Variants in EPM2A observed in about 807,000 individuals in gnomAD.
EPM2A encodes the protein laforin.
Under a neutral mutation model 26.5 loss-of-function variants are expected in EPM2A, and 21 were observed. The observed-to-expected ratio is 0.79, with a 90% CI of 0.56 to 1.14. The LOEUF (loss-of-function observed/expected upper bound fraction) is 1.14, where lower values mean the gene tolerates loss of function less well. Ranked by LOEUF, EPM2A falls within the 50% of genes most tolerant of loss-of-function variation. The pLI is 0.00. For missense variants in EPM2A, 458 were observed against 440.8 expected (o/e 1.04, Z -0.35); for synonymous variants, 217 against 177.6 (o/e 1.22, Z -1.76).
chr6:145,525,191 G>C (rs1459932345), intron 2 of EPM2A, among the ~76,000 whole-genome samples: 1 of 151,600 alleles, frequency 6.6e-6, no homozygotes, highest in Non-Finnish European at 1.5e-5. Context: ...ACAGTTTGAA[G>C]CTGGGTTAAT....
intron 2 of EPM2A, among the ~76,000 whole-genome samples, chr6:145,554,838 G>A (rs1392776216): frequency 6.6e-6 from 1 of 152,076 alleles, no homozygotes; most frequent in Admixed American, 6.6e-5. Flanking sequence ...TATAGGAGCT[G>A]GCAAGTCAGT....
Position 145,635,411 on chromosome 6 carries a change from C to T in EPM2A, c.552G>A (p.Leu184=), listed in dbSNP as rs1776581858. Residue 184 remains leucine, a synonymous_variant, in exon 3 of 4, where the codon TTG becomes TTA. Transcript: ENST00000367519. ...GGAAATTCATTACAGCTGTAATCCC[C>T]AATTCATGCTTCAGTTTGATGGTTA... is the stretch of plus-strand genomic sequence containing the variant. ...EHVTIKLKHE[L]GITAVMNFQT... 3 of 1,613,956 alleles carry T rather than the reference C, an allele frequency of 1.9e-6. No homozygotes were observed. The highest frequency in any genetic ancestry group is 2.5e-6 in the Non-Finnish European group (3 of 1,179,964).
chr6:145,624,080 C>A (rs1219820756), downstream of EPM2A, among the ~76,000 whole-genome samples: 2 of 152,106 alleles, frequency 1.3e-5, no homozygotes, highest in Non-Finnish European at 2.9e-5. Flanking sequence ...TGTCATCAAT[C>A]CTTTCCCCTT....
intron 1 of EPM2A, among the ~76,000 whole-genome samples, chr6:145,709,417 A>G (rs1489683679): frequency 3.3e-5 from 5 of 152,150 alleles, no homozygotes; most frequent in African/African-American, 7.2e-5. Flanking sequence ...TTCTCGTGCT[A>G]GTGAATAAGT....
chr6:145,421,726 G>T (rs1369495916), intron 4 of EPM2A, among the ~76,000 whole-genome samples: 5 of 151,700 alleles, frequency 3.3e-5, no homozygotes, highest in Admixed American at 2.0e-4. Flanking sequence ...GATAATATGT[G>T]ATTTGGATTT....
chr6:145,463,476 A>G (rs1779350891), intron 4 of EPM2A: 1 of 152,132 alleles, frequency 6.6e-6, no homozygotes, highest in African/African-American at 2.4e-5. Context: ...AAATTTATGC[A>G]CATACATACA....
intron 4 of EPM2A, chr6:145,490,302 C>T: frequency 6.8e-7 from 1 of 1,463,358 alleles, no homozygotes; most frequent in Admixed American, 2.2e-5. Flanking sequence ...TTGAACTGGT[C>T]CCAGCTGTTA....
At chr6:145,506,153 C>G (rs181427724) in intron 2 of EPM2A, among the ~76,000 whole-genome samples, 4 of 152,250 alleles carry the variant, frequency 2.6e-5, no homozygotes, top group Admixed American at 6.5e-5. Context: ...CTACAGTTTC[C>G]TTTGGTTTAG....
At chr6:145,472,905 T>G (rs982153022) in intron 4 of EPM2A, among the ~76,000 whole-genome samples, 1 of 152,016 alleles carries the variant, frequency 6.6e-6, no homozygotes, top group Non-Finnish European at 1.5e-5. Context: ...AAATAATTTG[T>G]GAAAAGCCTT....
At chr6:145,619,063 G>A (rs1775575283) in intron 2 of EPM2A, among the ~76,000 whole-genome samples, 1 of 152,092 alleles carries the variant, frequency 6.6e-6, no homozygotes, top group Non-Finnish European at 1.5e-5. Context: ...GTAAATGGAG[G>A]AGAGATGGCA....
intron 2 of EPM2A, among the ~76,000 whole-genome samples, chr6:145,608,021 A>G (rs2128551403): frequency 6.6e-6 from 1 of 152,330 alleles, no homozygotes; most frequent in East Asian, 1.9e-4. Flanking sequence ...TTCTGAGTAC[A>G]GCAGCAGTTC....
chr6:145,440,144 C>T, intron 4 of EPM2A, among the ~76,000 whole-genome samples: 1 of 152,170 alleles, frequency 6.6e-6, no homozygotes, highest in Non-Finnish European at 1.5e-5. Flanking sequence ...GTTTAATGTA[C>T]TCAGCTCCAC....
At position 145,416,252 on chromosome 6, in the gene EPM2A, C is replaced by CTTT. The variant is rs71753932; in HGVS notation, c.556-32158_556-32156dup. Among the ~76,000 whole-genome samples, 167 of 146,144 alleles carry CTTT rather than the reference C, an allele frequency of 1.1e-3. 2 individuals carry two copies. Among genetic ancestry groups the CTTT allele is most frequent in the East Asian group, 9.8e-3 (49 of 4,976 alleles). On this transcript the variant is annotated intron_variant, in intron 4 of 4. Transcript: ENST00000638717. ...ATGCATCTTTTTCAAAACAGGCAGGCTTTTTTTTTTTTAATGCAGATTGTC... is the reference window on the plus strand; with the variant it reads ...ATGCATCTTTTTCAAAACAGGCAGGCTTTTTTTTTTTTTTTAATGCAGATTGTC...
At chr6:145,541,675 G>C (rs1312329336) in intron 2 of EPM2A, among the ~76,000 whole-genome samples, 1 of 152,030 alleles carries the variant, frequency 6.6e-6, no homozygotes, top group Non-Finnish European at 1.5e-5. Context: ...TTTAATGACT[G>C]AATGAAGCAG....
At chr6:145,638,747 G>A (rs1184140037) in intron 2 of EPM2A, 2 of 134,108 alleles carry the variant, frequency 1.5e-5, no homozygotes, top group African/African-American at 8.0e-5. Flanking sequence ...ACAAAGACTG[G>A]GCCTGTTGGA....
intron 2 of EPM2A, among the ~76,000 whole-genome samples, chr6:145,666,568 C>T (rs1483051712): frequency 1.6e-5 from 1 of 61,148 alleles, no homozygotes; most frequent in Non-Finnish European, 3.0e-5. Flanking sequence ...GAATCAATAT[C>T]GTGAAAATGG....
chr6:145,707,081 T>C (rs1782263740), intron 1 of EPM2A, among the ~76,000 whole-genome samples: 1 of 152,226 alleles, frequency 6.6e-6, no homozygotes, highest in African/African-American at 2.4e-5. Context: ...GGTGCCTTAA[T>C]CTTTGACTTC....
intron 4 of EPM2A, among the ~76,000 whole-genome samples, chr6:145,439,251 T>A (rs192698441): frequency 1.3e-3 from 198 of 152,344 alleles, no homozygotes; most frequent in Non-Finnish European, 2.6e-3. Flanking sequence ...TTTGATATTT[T>A]GAATAATGCT....
chr6:145,727,699 G>T (rs1431595936), intron 1 of EPM2A, among the ~76,000 whole-genome samples: 1 of 152,180 alleles, frequency 6.6e-6, no homozygotes, highest in Non-Finnish European at 1.5e-5. Context: ...TGTTGTACAT[G>T]ATATTTTTGT....
Sources: allele counts gnomAD v4.1 joint callset (sites outside exome capture counted in the v4.1 genomes callset), GRCh38; gene constraint gnomAD v4.1.1; transcripts MANE v1.5; gene names NCBI Gene and HGNC (gene_info 2026-07-23, HGNC 2026-07-21).